Variants in RETREG1 observed in about 807,000 individuals in gnomAD.
RETREG1 encodes family with sequence similarity 134 member B.
Under a neutral mutation model 54.8 loss-of-function variants are expected in RETREG1, and 44 were observed. That is an observed-to-expected ratio of 0.80 (90% confidence interval 0.63 to 1.03). The LOEUF is 1.03. Among genes scored for constraint, RETREG1 ranks in the 50% least tolerant of loss-of-function variants. RETREG1 has a pLI of 0.00. For missense variants in RETREG1, 554 were observed against 605.1 expected (o/e 0.92, Z 0.89); for synonymous variants, 217 against 238.5 (o/e 0.91, Z 0.83).
intron 1 of RETREG1, among the ~76,000 whole-genome samples, chr5:16,583,735 C>A (rs185275473): frequency 6.6e-6 from 1 of 152,254 alleles, no homozygotes; most frequent in East Asian, 1.9e-4. Context: ...ATCTAACCCT[C>A]ATTTCTGAGT....
chr5:16,569,316 A>G (rs1579692940), intron 2 of RETREG1, among the ~76,000 whole-genome samples: 2 of 136,676 alleles, frequency 1.5e-5, no homozygotes, highest in African/African-American at 5.7e-5. Context: ...TTAATTTTTC[A>G]TGCAGTAGAA....
At chr5:16,563,192 T>C (rs1303651648) in intron 3 of RETREG1, among the ~76,000 whole-genome samples, 1 of 152,202 alleles carries the variant, frequency 6.6e-6, no homozygotes, top group Non-Finnish European at 1.5e-5. Flanking sequence ...CTTAGAGCTT[T>C]AGTTAGCAGG....
intron 1 of RETREG1, among the ~76,000 whole-genome samples, chr5:16,581,606 A>T (rs1308739108): frequency 6.6e-6 from 1 of 152,006 alleles, no homozygotes; most frequent in Admixed American, 6.6e-5. Context: ...CTTTATCCGA[A>T]TTAGCCCAGG....
chr5:16,586,555 G>A (rs1017093940), intron 1 of RETREG1, among the ~76,000 whole-genome samples: 1 of 152,160 alleles, frequency 6.6e-6, no homozygotes, highest in East Asian at 1.9e-4. Flanking sequence ...GAGCTCCAAG[G>A]AGAGGTACAG....
intron 1 of RETREG1, among the ~76,000 whole-genome samples, chr5:16,602,373 G>A (rs140602627): frequency 5.3e-4 from 81 of 152,248 alleles, no homozygotes; most frequent in Non-Finnish European, 8.4e-4. Context: ...AGTGAAAAGC[G>A]AGCCCAGTGG....
intron 3 of RETREG1, among the ~76,000 whole-genome samples, chr5:16,494,026 G>T (rs1009582212): frequency 5.3e-5 from 8 of 152,232 alleles, no homozygotes; most frequent in African/African-American, 1.9e-4. Context: ...TGTTTAATTA[G>T]GTCATATTCC....
chr5:16,553,101 C>T (rs555722526), intron 3 of RETREG1, among the ~76,000 whole-genome samples: 1 of 152,282 alleles, frequency 6.6e-6, no homozygotes, highest in Admixed American at 6.5e-5. Context: ...TCACTTTAAG[C>T]ATTAGGCATC....
At chr5:16,509,032 CCCCGG>C in intron 3 of RETREG1, 9 of 981,026 alleles carry the variant, frequency 9.2e-6, no homozygotes, top group Non-Finnish European at 1.1e-5. Context: ...CTTTTTCTTC[CCCCGG>C]CTTTTTTTTT....
intron 1 of RETREG1, among the ~76,000 whole-genome samples, chr5:16,602,766 G>A (rs1038721205): frequency 1.3e-5 from 2 of 152,166 alleles, no homozygotes; most frequent in Non-Finnish European, 2.9e-5. Flanking sequence ...CCAGCACTTT[G>A]GGAGGCCAAG....
chr5:16,558,869 A>C (rs777472137), intron 3 of RETREG1, among the ~76,000 whole-genome samples: 4 of 152,264 alleles, frequency 2.6e-5, no homozygotes, highest in African/African-American at 9.6e-5. Context: ...CAAGTTTGAG[A>C]TAAAGATATG....
intron 1 of RETREG1, among the ~76,000 whole-genome samples, chr5:16,581,718 T>C (rs1742488382): frequency 6.7e-6 from 1 of 148,732 alleles, no homozygotes; most frequent in Non-Finnish European, 1.5e-5. Context: ...CTCTATAGAT[T>C]GATGGCCTTT....
intron 3 of RETREG1, among the ~76,000 whole-genome samples, chr5:16,501,709 A>AT (rs1413406731): frequency 6.6e-6 from 1 of 150,862 alleles, no homozygotes; most frequent in Non-Finnish European, 1.5e-5. Context: ...TGCCCAGCTA[A>AT]TTTTTTTGTA....
intron 2 of RETREG1, among the ~76,000 whole-genome samples, chr5:16,567,995 G>A (rs553615495): frequency 7.9e-5 from 12 of 152,020 alleles, no homozygotes; most frequent in South Asian, 2.1e-4. Context: ...AAAAGAAAGC[G>A]GGGGGCAGAT....
intron 3 of RETREG1, among the ~76,000 whole-genome samples, chr5:16,553,447 C>T (rs1741599691): frequency 6.6e-6 from 1 of 151,612 alleles, no homozygotes; most frequent in Non-Finnish European, 1.5e-5. Flanking sequence ...AATATTCATA[C>T]TTGGTTTAAA....
In RETREG1 at chr5:16,474,803, C is replaced by G. The variant is rs201304171; in HGVS notation, c.1432G>C (p.Ala478Pro). 6.2e-7 allele frequency: 1 copy of G among 1,613,542 alleles called. No individual in the cohort carries two copies. Among genetic ancestry groups the G allele is most frequent in the East Asian group, 2.2e-5 (1 of 44,854 alleles). The change falls in exon 9 of 9, where the codon GCA becomes CCA. Residue 478 changes from alanine (A) to proline (P), a missense_variant. Around this residue, in one of 4 missense-constraint regions of RETREG1, gnomAD observed 30 missense variants for 32.4 expected, o/e 0.93. Transcript: ENST00000306320. ...GACTTCTTATTTTGCTGTGCTTCTG[C>G]TTCCTGGTCTTGTGTAAGTCCCAAT... ...SELGLTQDQEAEAQQNKKSSG... is the reference protein window; with the variant it reads ...SELGLTQDQEPEAQQNKKSSG...
intron 1 of RETREG1, among the ~76,000 whole-genome samples, chr5:16,596,871 G>A (rs970875549): frequency 1.3e-5 from 2 of 152,168 alleles, no homozygotes; most frequent in African/African-American, 4.8e-5. Context: ...CTATACGCAA[G>A]CAGATGTTGG....
intron 4 of RETREG1, among the ~76,000 whole-genome samples, chr5:16,481,567 C>A (rs141587895): frequency 6.6e-6 from 1 of 152,166 alleles, no homozygotes; most frequent in African/African-American, 2.4e-5. Flanking sequence ...CTACACAAAT[C>A]TAACGTAATT....
At chr5:16,591,755 G>C (rs1370394261) in intron 1 of RETREG1, among the ~76,000 whole-genome samples, 2 of 152,182 alleles carry the variant, frequency 1.3e-5, no homozygotes, top group Non-Finnish European at 2.9e-5. Flanking sequence ...GAAAACATCT[G>C]TCTCTCCTGA....
At chr5:16,573,523 G>C (rs914309534) in intron 1 of RETREG1, among the ~76,000 whole-genome samples, 3 of 152,164 alleles carry the variant, frequency 2.0e-5, no homozygotes, top group African/African-American at 7.2e-5. Flanking sequence ...AGGCTATAAA[G>C]AGAAGTAAAG....
Sources: gnomAD v4.1 joint callset for allele counts (sites outside exome capture counted in the v4.1 genomes callset) on GRCh38, gnomAD v4.1.1 for gene constraint, gnomAD v4.1.1 regional missense constraint, MANE v1.5 for transcripts, NCBI Gene and HGNC (gene_info 2026-07-23, HGNC 2026-07-21) for gene names.